ANXA6: variants seen among roughly 807,000 people sequenced by gnomAD.
ANXA6 encodes 67 kDa calelectrin.
Under a neutral mutation model 95.4 loss-of-function variants are expected in ANXA6, and 71 were observed. The ratio of observed to expected loss-of-function variants is 0.74; its 90% CI spans 0.61 to 0.91. The LOEUF is 0.91. ANXA6 is among the 40% of genes least tolerant of loss of function. ANXA6 has a pLI of 0.00. For missense variants in ANXA6, 830 were observed against 876.4 expected, an observed-to-expected ratio of 0.95 and a Z score of 0.67; for synonymous variants, 289 against 315.9, an observed-to-expected ratio of 0.91 and a Z score of 0.90.
chr5:151,103,453 T>C, intron 25 of ANXA6, 117 bp downstream of exon 25: 3 of 939,434 alleles, frequency 3.2e-6, no homozygotes. Flanking sequence ...TTCAATATCC[T>C]GGCTGTTCTA....
chr5:151,133,717 C>T (rs1172661465), intron 8 of ANXA6, among the ~76,000 whole-genome samples: 1 of 152,138 alleles, frequency 6.6e-6, no homozygotes, highest in African/African-American at 2.4e-5. Context: ...TACCTATATG[C>T]CTTTCTTCCT....
Position 151,111,386 on chromosome 5 carries a change from T to C in ANXA6, c.1573-742A>G, listed in dbSNP as rs113299068. Among the ~76,000 whole-genome samples, 16 of 152,330 alleles carry C rather than the reference T, an allele frequency of 1.1e-4. 5 individuals carry two copies. The highest frequency in any genetic ancestry group is 1.9e-4 in the East Asian group (1 of 5,186). ...CAGAAACTCTGCTGACTTTATTCTATTGGATAGACTGAACTCTTTATAAAC... is the reference window on the plus strand; with the variant it reads ...CAGAAACTCTGCTGACTTTATTCTACTGGATAGACTGAACTCTTTATAAAC... On this transcript the variant is annotated intron_variant, in intron 20 of 25. Transcript: ENST00000354546.
chr5:151,110,692 C>CAGAGGAGGT (rs752989425), intron 20 of ANXA6, 48 bp from the exon 21 acceptor site: 1 of 1,609,356 alleles, frequency 6.2e-7, no homozygotes, highest in East Asian at 2.2e-5. Context: ...AGGCAAGAGT[C>CAGAGGAGGT]AGAGGAGGTT....
intron 24 of ANXA6, among the ~76,000 whole-genome samples, chr5:151,104,315 C>T (rs1018797198): frequency 7.9e-5 from 12 of 152,320 alleles, no homozygotes; most frequent in East Asian, 1.9e-4. Flanking sequence ...AAACTACCAC[C>T]GGGCCCAAGG....
At position 151,117,617 on chromosome 5, in the gene ANXA6, T is replaced by C. The variant is rs543112411; in HGVS notation, c.1518+141A>G. On this transcript the variant is annotated intron_variant, in intron 19 of 25. Transcript: ENST00000354546. Reference sequence around the variant, plus strand: ...GAACAACAGGGGTAGGCGGTGGAACTCTAAGGAGGCAAGTGGGGAGACACC... The same window carrying C: ...GAACAACAGGGGTAGGCGGTGGAACCCTAAGGAGGCAAGTGGGGAGACACC... The C allele has an allele frequency of 7.5e-4, 544 of 728,844 alleles. 8 individuals are homozygous for C. The East Asian group carries it at 0.015, about 20-fold the overall frequency. 45.1% of individuals were successfully genotyped at this position (728,844 alleles called of 1,614,324 possible).
At chr5:151,156,612 G>C (rs1252696824) in intron 1 of ANXA6, among the ~76,000 whole-genome samples, 1 of 152,138 alleles carries the variant, frequency 6.6e-6, no homozygotes, top group African/African-American at 2.4e-5. Context: ...ACAAACCCGG[G>C]AGCCATATGT....
At chr5:151,123,115 G>C in intron 15 of ANXA6, 104 bp from the exon 16 acceptor site, 2 of 1,004,708 alleles carry the variant, frequency 2.0e-6, no homozygotes, top group Non-Finnish European at 3.1e-6. Flanking sequence ...CAGGGTAGAA[G>C]CCTGGCTAAG....
intron 1 of ANXA6, among the ~76,000 whole-genome samples, chr5:151,156,208 C>T (rs1766233141): frequency 6.6e-6 from 1 of 152,154 alleles, no homozygotes; most frequent in Non-Finnish European, 1.5e-5. Flanking sequence ...CCTCCCCAGT[C>T]CCATCCAACT....
intron 24 of ANXA6, among the ~76,000 whole-genome samples, 182 bp downstream of exon 24, chr5:151,105,063 G>A (rs1764659141): frequency 6.6e-6 from 1 of 152,216 alleles, no homozygotes; most frequent in African/African-American, 2.4e-5. Flanking sequence ...GGAAGGCGGG[G>A]GAAATCACCC....
chr5:151,101,348 G>A lies in ANXA6; in HGVS notation c.*100C>T, dbSNP rs1246619132. 4 of 541,894 alleles carry A rather than the reference G, an allele frequency of 7.4e-6. No homozygotes were observed. The highest frequency in any genetic ancestry group is 6.7e-5 in the South Asian group (2 of 29,852). 33.6% of individuals were successfully genotyped at this position (541,894 alleles called of 1,614,324 possible). On this transcript the variant is annotated 3_prime_UTR_variant, in exon 26 of 26. Coordinates refer to ENST00000354546, the MANE Select transcript of ANXA6 (RefSeq NM_001155.5). ...CAACCCAACCCCTCCCCCCACCCCT[G>A]CCCCTTCCTTAGTCTCTGGAGCTGG...
At chr5:151,147,824 A>G (rs1582018938) in intron 2 of ANXA6, 60 bp downstream of exon 2, 1 of 1,557,496 alleles carries the variant, frequency 6.4e-7, no homozygotes, top group African/African-American at 1.4e-5. Context: ...TAGTGGCTCC[A>G]GGAGGATCCC....
intron 20 of ANXA6, among the ~76,000 whole-genome samples, chr5:151,110,938 C>T (rs1472819102): frequency 2.6e-5 from 4 of 152,248 alleles, no homozygotes; most frequent in Non-Finnish European, 5.9e-5. Flanking sequence ...GGAACTCTGC[C>T]CTTCGCACCC....
At chr5:151,129,697 T>TTTTGTTTG (rs35609303) in intron 11 of ANXA6, among the ~76,000 whole-genome samples, 168 bp from the exon 12 acceptor site, 29,097 of 149,212 alleles carry the variant, frequency 0.2, 2,872 homozygotes, top group Middle Eastern at 0.32. Flanking sequence ...CCTCTTACTG[T>TTTTGTTTG]TTTGTTTGTT....
chr5:151,107,134 T>C (rs1764715341), intron 23 of ANXA6, among the ~76,000 whole-genome samples: 1 of 152,224 alleles, frequency 6.6e-6, no homozygotes, highest in Non-Finnish European at 1.5e-5. Context: ...CTGATGAGAA[T>C]GTAACTAAAC....
Position 151,129,550 on chromosome 5 carries a change from G to A in ANXA6, c.796-21C>T, listed in dbSNP as rs981733863. The A allele has an allele frequency of 2.5e-6, 4 of 1,587,398 alleles. No individual in the cohort carries two copies. The African/African-American group carries it at 5.4e-5, about 21-fold the overall frequency. On this transcript the variant is annotated intron_variant, in intron 11 of 25. Transcript: ENST00000354546. The stretch of plus-strand genomic sequence containing the variant: ...AGGCCCTGCAAGACAAGTGGGTTTG[G>A]GGAACATGGACTTGAGAGGAGGCTA...
chr5:151,117,220 C>T (rs768417337), intron 19 of ANXA6, 40 bp from the exon 20 acceptor site: 18 of 1,551,076 alleles, frequency 1.2e-5, no homozygotes, highest in South Asian at 4.8e-5. Context: ...CCCCAAACAT[C>T]GACCCATCTC....
chr5:151,122,989 G>A lies in ANXA6; in HGVS notation c.1161C>T (p.Ile387=), dbSNP rs200533222. ...CATTGCTGCGGTGCGTGATGATATC[G>A]ATGATTGTGTCTTCGTCAGTCCCTG... ...KGLGTDEDTI[I]DIITHRSNVQ... Residue 387 remains isoleucine, a synonymous_variant, in exon 16 of 26, where the codon ATC becomes ATT. Coordinates refer to ENST00000354546, the MANE Select transcript of ANXA6 (RefSeq NM_001155.5). 4.1e-5 allele frequency: 66 copies of A among 1,613,788 alleles called. No individual in the cohort carries two copies. In the East Asian group the frequency reaches 8.2e-4, roughly 20 times the overall value.
At chr5:151,141,724 A>G in intron 2 of ANXA6, 3 of 985,616 alleles carry the variant, frequency 3.0e-6, no homozygotes, top group Non-Finnish European at 3.6e-6. Context: ...AGTTCTGACC[A>G]GAAAGGAACA....
chr5:151,154,319 ATATATATATATATT>A (rs912300870), intron 1 of ANXA6, among the ~76,000 whole-genome samples: 20 of 104,186 alleles, frequency 1.9e-4, no homozygotes, highest in African/African-American at 4.9e-4. Context: ...ATATATATAT[ATATATATATATATT>A]GATCCCATAC....
Sources: gnomAD v4.1 joint callset for allele counts (sites outside exome capture counted in the v4.1 genomes callset) on GRCh38, gnomAD v4.1.1 for gene constraint, MANE v1.5 for transcripts, NCBI Gene and HGNC (gene_info 2026-07-23, HGNC 2026-07-21) for gene names.